The following ADAM9 variants were observed in gnomAD, a reference collection of about 807,000 sequenced individuals.
ADAM9 encodes the protein ADAM metallopeptidase domain 9, also known as disintegrin and metalloproteinase domain-containing protein 9.
In ADAM9, 54 loss-of-function variants were observed where a neutral mutation model predicts 108.1. The ratio of observed to expected loss-of-function variants is 0.50; its 90% CI spans 0.40 to 0.63. ADAM9 has a LOEUF of 0.63. Ranked by LOEUF, ADAM9 falls within the 20% of genes least tolerant of loss-of-function variation. The pLI, the probability that ADAM9 is intolerant of heterozygous loss-of-function variation, is 0.00. For synonymous variants in ADAM9, 316 were observed against 336.0 expected (o/e 0.94, Z 0.65); for missense variants, 830 against 997.7 (o/e 0.83, Z 2.26).
At chr8:39,099,704 G>A (rs986852588) in intron 20 of ADAM9, among the ~76,000 whole-genome samples, 2 of 152,038 alleles carry the variant, frequency 1.3e-5, no homozygotes, top group African/African-American at 4.8e-5. Flanking sequence ...AATCATAGTT[G>A]TATACATTTA....
In ADAM9 at chr8:39,013,949, T is replaced by A; in HGVS notation, c.255-16T>A. The A allele has an allele frequency of 6.2e-7, 1 of 1,602,970 alleles. No homozygotes were observed. The highest frequency in any genetic ancestry group is 8.5e-7 in the Non-Finnish European group (1 of 1,170,350). ...TAGATAACATATATATAAACGGTGT[T>A]TTATTTCTCTTCCAGAGACCTTTTG... On this transcript the variant is annotated splice_polypyrimidine_tract_variant and intron_variant, in intron 3 of 21. Transcript: ENST00000487273.
chr8:39,104,760 A>G lies in ADAM9; in HGVS notation c.*1060A>G. On this transcript the variant is annotated 3_prime_UTR_variant, in exon 22 of 22. Transcript: ENST00000487273. ...ATGGTTTTCTTAAATACCTACAAAA[A>G]AGTTACTGTGGTATCTATGAGTTAT... 2.2e-6 allele frequency: 1 copy of G among 453,830 alleles called. No homozygotes were observed. Among genetic ancestry groups the G allele is most frequent in the South Asian group, 1.6e-5 (1 of 64,426 alleles). The allele number at this position is 453,830 out of a possible 1,614,324, so 28.1% of individuals were successfully genotyped here.
chr8:39,014,261 T>A, intron 4 of ADAM9: 4 of 568,642 alleles, frequency 7.0e-6, no homozygotes, highest in East Asian at 2.8e-5. Flanking sequence ...GTTTTTTTTT[T>A]AAAGACTAGG....
intron 18 of ADAM9, among the ~76,000 whole-genome samples, chr8:39,089,274 A>G (rs917001794): frequency 6.6e-6 from 1 of 152,126 alleles, no homozygotes; most frequent in Non-Finnish European, 1.5e-5. Context: ...AAAAATTATC[A>G]ACTCATAGTA....
In ADAM9 at chr8:39,018,882, G is replaced by A; in HGVS notation, c.636G>A (p.Arg212=). ...RRRRAVLPQT[R]YVELFIVVDK... ...GAAGAGCTGTCTTGCCACAGACCCG[G>A]TATGTGGAGCTGTTCATTGTCGTAG... The change falls in exon 7 of 22, where the codon CGG becomes CGA. Residue 212 remains arginine (R), a synonymous_variant. Coordinates refer to ENST00000487273, the MANE Select transcript of ADAM9 (RefSeq NM_003816.3). 1 of 1,613,956 alleles carries A rather than the reference G, an allele frequency of 6.2e-7. No homozygotes were observed. Among genetic ancestry groups the A allele is most frequent in the Non-Finnish European group, 8.5e-7 (1 of 1,179,952 alleles).
intron 16 of ADAM9, among the ~76,000 whole-genome samples, chr8:39,080,477 C>T (rs1319759686): frequency 9.9e-5 from 15 of 152,162 alleles, no homozygotes; most frequent in Admixed American, 9.2e-4. Context: ...TGGACTGATA[C>T]ACCTTGACCC....
rs1411905445 is a variant in ADAM9, at chr8:39,104,354, G to A, written c.*654G>A. 2.2e-6 allele frequency: 1 copy of A among 451,628 alleles called. No homozygotes were observed. The highest frequency in any genetic ancestry group is 4.4e-6 in the Non-Finnish European group (1 of 225,188). 28.0% of individuals were successfully genotyped at this position (451,628 alleles called of 1,614,324 possible). ...CGCAGTTACTCGCTTCCATTTTTATGACCTTTCAACTATAGGTAATAACTC... is the reference window on the plus strand; with the variant it reads ...CGCAGTTACTCGCTTCCATTTTTATAACCTTTCAACTATAGGTAATAACTC... On this transcript the variant is annotated 3_prime_UTR_variant, in exon 22 of 22. Coordinates refer to ENST00000487273, the MANE Select transcript of ADAM9 (RefSeq NM_003816.3).
At position 39,077,181 on chromosome 8, in the gene ADAM9, T is replaced by G. The variant is rs752423263; in HGVS notation, c.1698-47T>G. ...AATATATAAATTTTTTCTTTTGTTA[T>G]GTATACTGGATGCATTTTATGTTGC... On this transcript the variant is annotated intron_variant, in intron 15 of 21. Transcript: ENST00000487273. 3 of 1,601,486 alleles carry G rather than the reference T, an allele frequency of 1.9e-6. No individual in the cohort carries two copies. The South Asian group carries it at 3.3e-5, about 18-fold the overall frequency.
intron 20 of ADAM9, among the ~76,000 whole-genome samples, chr8:39,094,736 T>C (rs1839448910): frequency 2.0e-5 from 3 of 152,108 alleles, no homozygotes; most frequent in Non-Finnish European, 4.4e-5. Context: ...TTATAAAACT[T>C]TCTATTTCTG....
intron 11 of ADAM9, among the ~76,000 whole-genome samples, chr8:39,038,129 T>A (rs1326222220): frequency 6.6e-6 from 1 of 152,252 alleles, no homozygotes; most frequent in Non-Finnish European, 1.5e-5. Flanking sequence ...GGTGGATTTC[T>A]CTAAGAGCCT....
At chr8:38,999,828 GC>G (rs1347333402) in intron 1 of ADAM9, among the ~76,000 whole-genome samples, 2 of 152,190 alleles carry the variant, frequency 1.3e-5, no homozygotes, top group Non-Finnish European at 2.9e-5. Flanking sequence ...CCCAAAAGAT[GC>G]AAGCTCTAAG....
chr8:39,007,782 C>A, intron 1 of ADAM9, 104 bp from the exon 2 acceptor site: 3 of 774,396 alleles, frequency 3.9e-6, no homozygotes, highest in Non-Finnish European at 4.4e-6. Context: ...ATGGGAATGT[C>A]AGGTGATTTT....
At chr8:39,001,036 C>T (rs1835976373) in intron 1 of ADAM9, among the ~76,000 whole-genome samples, 1 of 152,116 alleles carries the variant, frequency 6.6e-6, no homozygotes, top group African/African-American at 2.4e-5. Context: ...ATTTTAACGT[C>T]TTCCTTCTAG....
At chr8:39,039,419 C>A (rs1478456977) in intron 11 of ADAM9, among the ~76,000 whole-genome samples, 2 of 152,092 alleles carry the variant, frequency 1.3e-5, no homozygotes, top group Admixed American at 6.5e-5. Context: ...GCAAAGAGCA[C>A]CTATAATCTC....
intron 20 of ADAM9, among the ~76,000 whole-genome samples, chr8:39,098,192 T>A (rs906633290): frequency 6.6e-6 from 1 of 152,206 alleles, no homozygotes; most frequent in Non-Finnish European, 1.5e-5. Flanking sequence ...TTACTCTAAT[T>A]GATGCTGTAG....
At chr8:39,047,254 G>C (rs1413357183) in intron 12 of ADAM9, among the ~76,000 whole-genome samples, 1 of 152,182 alleles carries the variant, frequency 6.6e-6, no homozygotes, top group African/African-American at 2.4e-5. Flanking sequence ...TTGGCCTGTA[G>C]TTTTCTATAT....
At chr8:39,054,189 T>C (rs1186470989) in intron 12 of ADAM9, among the ~76,000 whole-genome samples, 4 of 152,148 alleles carry the variant, frequency 2.6e-5, no homozygotes, top group Admixed American at 2.0e-4. Flanking sequence ...CCTCAAGAAC[T>C]GTGAGAAAAT....
intron 14 of ADAM9, among the ~76,000 whole-genome samples, chr8:39,061,761 A>G (rs1446550878): frequency 1.3e-5 from 2 of 152,108 alleles, no homozygotes; most frequent in East Asian, 1.9e-4. Context: ...AACAATATTA[A>G]TCTTATCCCA....
chr8:39,005,956 A>G (rs1227058175), intron 1 of ADAM9, among the ~76,000 whole-genome samples: 74 of 152,230 alleles, frequency 4.9e-4, no homozygotes, highest in Admixed American at 4.6e-3. Context: ...GAGCTCAGCC[A>G]TGGGTTTGCA....
Sources: allele counts gnomAD v4.1 joint callset (sites outside exome capture counted in the v4.1 genomes callset), GRCh38; gene constraint gnomAD v4.1.1; transcripts MANE v1.5; gene names NCBI Gene and HGNC (gene_info 2026-07-23, HGNC 2026-07-21).